The following KLHDC8B variants were observed in gnomAD, a reference collection of about 807,000 sequenced individuals.
The protein encoded by KLHDC8B is kelch domain-containing protein 8B.
A neutral mutation model predicts 26.3 loss-of-function variants in KLHDC8B; 19 were observed. The ratio of observed to expected loss-of-function variants is 0.72; its 90% CI spans 0.50 to 1.06. The LOEUF (loss-of-function observed/expected upper bound fraction) is 1.06. KLHDC8B is among the 50% of genes least tolerant of loss of function. The pLI is 0.00. For missense variants in KLHDC8B, 411 were observed against 488.1 expected, an observed-to-expected ratio of 0.84 and a Z score of 1.49; for synonymous variants, 150 against 188.4, an observed-to-expected ratio of 0.80 and a Z score of 1.67.
Position 49,172,686 on chromosome 3 carries a change from A to G in KLHDC8B, c.-84A>G, listed in dbSNP as rs1190619462. ...CATATACCTCTTGTGGCCCTGGCAG[A>G]ATCAAGATGAGGCCCTGTCATGCCT... On this transcript the variant is annotated 5_prime_UTR_variant, in exon 2 of 6. Transcript: ENST00000332780. 1 of 1,419,466 alleles carries G rather than the reference A, an allele frequency of 7.0e-7. No individual in the cohort carries two copies. Among genetic ancestry groups the G allele is most frequent in the East Asian group, 2.3e-5 (1 of 42,914 alleles). The allele number at this position is 1,419,466 out of a possible 1,614,324, so 87.9% of individuals were successfully genotyped here. A position where few individuals can be genotyped will look rare whatever the true frequency, so the allele number is the denominator to read the frequency against.
Position 49,175,329 on chromosome 3 carries a change from G to A in KLHDC8B, c.868+166G>A. 3 of 645,284 alleles carry A rather than the reference G, an allele frequency of 4.6e-6. No individual in the cohort carries two copies. In the Admixed American group the frequency reaches 8.8e-5, roughly 19 times the overall value. 40.0% of individuals were successfully genotyped at this position (645,284 alleles called of 1,614,324 possible). On this transcript the variant is annotated intron_variant, in intron 5 of 5. Coordinates refer to ENST00000332780, the MANE Select transcript of KLHDC8B (RefSeq NM_173546.3). ...GGCAGGATGTGGTCTGCCTGGCCCA[G>A]CACTCAGGGTGTTCCTCAGTGACTG...
chr3:49,172,708 G>A lies in KLHDC8B; in HGVS notation c.-62G>A. 2 of 1,539,488 alleles carry A rather than the reference G, an allele frequency of 1.3e-6. No individual in the cohort carries two copies. The highest frequency in any genetic ancestry group is 1.2e-5 in the South Asian group (1 of 81,198). On this transcript the variant is annotated 5_prime_UTR_variant, in exon 2 of 6. The change abolishes an upstream ATG in the 5' untranslated region. Transcript: ENST00000332780. ...CAGAATCAAGATGAGGCCCTGTCAT[G>A]CCTCCCCAGTGAGGCCTACAGTCTG...
intron 5 of KLHDC8B, 34 bp from the exon 6 acceptor site, chr3:49,175,571 G>C: frequency 6.7e-7 from 1 of 1,501,456 alleles, no homozygotes; most frequent in Non-Finnish European, 9.0e-7. Flanking sequence ...CCTACGGCCT[G>C]TGCCTCTCAC....
In KLHDC8B at chr3:49,174,295, G is replaced by A. The variant is rs2107659301; in HGVS notation, c.433G>A (p.Val145Ile). Residue 145 changes from valine (V) to isoleucine (I), a missense_variant, in exon 3 of 6, where the codon GTA (valine) becomes ATA (isoleucine). Coordinates refer to ENST00000332780, the MANE Select transcript of KLHDC8B (RefSeq NM_173546.3). ...MGPDTAPQAQ[V>I]RVYEPRRDCW... The stretch of plus-strand genomic sequence containing the variant: ...CCCTGACACGGCCCCCCAGGCCCAG[G>A]TACGTGTGTATGAGCCCCGTCGGGA... The A allele has an allele frequency of 6.2e-7, 1 of 1,613,980 alleles. No individual in the cohort carries two copies. The highest frequency in any genetic ancestry group is 8.5e-7 in the Non-Finnish European group (1 of 1,179,918).
chr3:49,173,011 T>G lies in KLHDC8B; in HGVS notation c.242T>G (p.Val81Gly). ...GAAAVVLGKQ[V>G]LVVGGVDEVQ... ...GCTGCGGTAGTTCTGGGCAAGCAGG[T>G]GCTAGTGGTGGGTGGTGTGGATGAG... Residue 81 changes from valine (V) to glycine (G), a missense_variant, in exon 2 of 6, where the codon GTG (valine) becomes GGG (glycine). Physicochemically the swap from Val to Gly is moderately radical, Grantham distance 109. Transcript: ENST00000332780. 1 of 1,613,602 alleles carries G rather than the reference T, an allele frequency of 6.2e-7. No individual in the cohort carries two copies.
Position 49,174,335 on chromosome 3 carries a change from T to TA in KLHDC8B, c.474dup (p.Pro159ThrfsTer35). 6.2e-7 allele frequency: 1 copy of TA among 1,613,900 alleles called. No individual in the cohort carries two copies. Among genetic ancestry groups the TA allele is most frequent in the Non-Finnish European group, 8.5e-7 (1 of 1,179,916 alleles). ...CCCCGTCGGGACTGCTGGCTTTCGC[T>TA]ACCCTCCATGCCCACACCCTGCTAT... is the stretch of plus-strand genomic sequence containing the variant. On this transcript the variant is annotated frameshift_variant, in exon 3 of 6. Coordinates refer to ENST00000332780, the MANE Select transcript of KLHDC8B (RefSeq NM_173546.3). LOFTEE classifies it high-confidence loss of function.
In KLHDC8B at chr3:49,174,552, C is replaced by G. The variant is rs935302937; in HGVS notation, c.541+149C>G. 2.4e-5 allele frequency: 28 copies of G among 1,177,492 alleles called. No individual in the cohort carries two copies. The South Asian group carries it at 3.9e-4, about 17-fold the overall frequency. The allele number at this position is 1,177,492 out of a possible 1,614,324, so 72.9% of individuals were successfully genotyped here. A position where few individuals can be genotyped will look rare whatever the true frequency, so the allele number is the denominator to read the frequency against. ...ATCCATGCCTGCTCTGAGGCTCTGA[C>G]CCCTGGTGGTCTTGCTGTGGTTGGA... On this transcript the variant is annotated intron_variant, in intron 3 of 5. Transcript: ENST00000332780.
Position 49,175,098 on chromosome 3 carries a change from G to A in KLHDC8B, c.803G>A (p.Arg268Lys). Residue 268 changes from arginine to lysine, a missense_variant, in exon 5 of 6, where the codon AGG becomes AAG. By Grantham distance (26) the Arg-to-Lys change is conservative. Transcript: ENST00000332780. ...WTKLPRSLRM[R>K]DKRADFVVGS... ...AAATTGCCCCGCAGCCTGCGCATGA[G>A]GGATAAGAGGGCAGACTTTGTGGTT... 1 of 1,614,178 alleles carries A rather than the reference G, an allele frequency of 6.2e-7. No individual in the cohort carries two copies.
Position 49,173,045 on chromosome 3 carries a change from C to T in KLHDC8B, c.276C>T (p.Ser92=). 1 of 1,610,798 alleles carries T rather than the reference C, an allele frequency of 6.2e-7. No individual in the cohort carries two copies. Among genetic ancestry groups the T allele is most frequent in the Non-Finnish European group, 8.5e-7 (1 of 1,178,676 alleles). ...LVVGGVDEVQ[S]PVAAVEAFLM... The stretch of plus-strand genomic sequence containing the variant: ...TGGGTGGTGTGGATGAGGTCCAGAG[C>T]CCGGTAGCTGCTGTAGAGGCCTTCC... Residue 92 remains serine, a synonymous_variant, in exon 2 of 6, where the codon AGC becomes AGT. Coordinates refer to ENST00000332780, the MANE Select transcript of KLHDC8B (RefSeq NM_173546.3).
chr3:49,174,208 G>A, intron 2 of KLHDC8B, 31 bp from the exon 3 acceptor site: 1 of 1,562,330 alleles, frequency 6.4e-7, no homozygotes. Flanking sequence ...GGCAGGCTGA[G>A]GTACAATCTG....
At chr3:49,174,175 C>A in intron 2 of KLHDC8B, 64 bp from the exon 3 acceptor site, 1 of 1,297,114 alleles carries the variant, frequency 7.7e-7, no homozygotes, top group Non-Finnish European at 1.1e-6. Context: ...CTTACCAGGG[C>A]AGCTGTCAGG....
rs1176309396 is a variant in KLHDC8B, at chr3:49,175,137, G to A, written c.842G>A (p.Gly281Asp). 3.1e-6 allele frequency: 5 copies of A among 1,613,964 alleles called. No homozygotes were observed. In the African/African-American group the frequency reaches 4.0e-5, roughly 13 times the overall value. The change falls in exon 5 of 6, where the codon GGC (glycine) becomes GAC (aspartate). Residue 281 changes from glycine to aspartate, a missense_variant. By Grantham distance (94) the Gly-to-Asp change is moderately conservative. Coordinates refer to ENST00000332780, the MANE Select transcript of KLHDC8B (RefSeq NM_173546.3). ...RADFVVGSLG[G>D]HIVAIGGLGN... ...GACTTTGTGGTTGGGTCCCTTGGGG[G>A]CCACATTGTGGCCATTGGGGGCCTT...
intron 4 of KLHDC8B, 42 bp from the exon 5 acceptor site, chr3:49,175,020 A>C: frequency 6.2e-7 from 1 of 1,613,968 alleles, no homozygotes; most frequent in Non-Finnish European, 8.5e-7. Flanking sequence ...ATGGAGGGGC[A>C]TAGTGTGTAC....
chr3:49,175,202 A>G, intron 5 of KLHDC8B, 39 bp downstream of exon 5: 1 of 1,511,146 alleles, frequency 6.6e-7, no homozygotes, highest in East Asian at 2.3e-5. Flanking sequence ...GGGAGTCCCA[A>G]GACAGGAAAG....
At position 49,176,071 on chromosome 3, in the gene KLHDC8B, C is replaced by G; in HGVS notation, c.*270C>G. On this transcript the variant is annotated 3_prime_UTR_variant, in exon 6 of 6. Transcript: ENST00000332780. ...CCCTGGGACCTACTAGGCCTTCCAT[C>G]CAACTGGGAAATGGGGAGAAGCAAA... The G allele has an allele frequency of 2.2e-6, 1 of 451,430 alleles. No homozygotes were observed. The highest frequency in any genetic ancestry group is 3.9e-6 in the Non-Finnish European group (1 of 254,122). The allele number at this position is 451,430 out of a possible 1,614,324, so 28.0% of individuals were successfully genotyped here.
rs1197763835 is a variant in KLHDC8B at position 49,175,768 on chromosome 3, C to T, written c.1032C>T (p.Ala344=). The change falls in exon 6 of 6, where the codon GCC becomes GCT. Residue 344 remains alanine, a synonymous_variant. Transcript: ENST00000332780. ...IGGVAQGPSQ[A]VEALCLRDGV is the part of the protein sequence containing the mutation. The stretch of plus-strand genomic sequence containing the variant: ...GTGTGGCCCAGGGCCCCAGTCAAGC[C>T]GTGGAGGCACTGTGTCTGCGTGATG... 15 of 1,613,924 alleles carry T rather than the reference C, an allele frequency of 9.3e-6. No homozygotes were observed. The highest frequency in any genetic ancestry group is 4.5e-5 in the East Asian group (2 of 44,892).
At chr3:49,173,375 T>C (rs576494762) in intron 2 of KLHDC8B, among the ~76,000 whole-genome samples, 15 of 152,252 alleles carry the variant, frequency 9.9e-5, no homozygotes, top group African/African-American at 2.9e-4. Context: ...CCCAGGATGA[T>C]GGGAGACCCC....
In KLHDC8B at chr3:49,175,491, T is replaced by C. The variant is rs557644018; in HGVS notation, c.869-114T>C. The C allele has an allele frequency of 3.9e-4, 291 of 754,922 alleles. 2 individuals are homozygous for C. In the South Asian group the frequency reaches 4.9e-3, roughly 13 times the overall value. The allele number at this position is 754,922 out of a possible 1,614,324, so 46.8% of individuals were successfully genotyped here. On this transcript the variant is annotated intron_variant, in intron 5 of 5. Coordinates refer to ENST00000332780, the MANE Select transcript of KLHDC8B (RefSeq NM_173546.3). ...ACATAGGCAATGAGGAGCAAGGCCC[T>C]GATAGCTCATCCTGGGGTGATAACT...
intron 3 of KLHDC8B, 158 bp from the exon 4 acceptor site, chr3:49,174,584 A>C (rs1376557907): frequency 5.2e-6 from 4 of 766,086 alleles, no homozygotes; most frequent in Non-Finnish European, 6.4e-6. Context: ...TGGAAAACCA[A>C]ACCCCAGTAC....
Sources: allele counts gnomAD v4.1 joint callset (sites outside exome capture counted in the v4.1 genomes callset), GRCh38; gene constraint gnomAD v4.1.1; transcripts MANE v1.5; gene names NCBI Gene and HGNC (gene_info 2026-07-23, HGNC 2026-07-21).